Variants in TMEM132D observed in about 807,000 individuals in gnomAD.
TMEM132D encodes the protein mature OL transmembrane protein.
TMEM132D carries 21 observed loss-of-function variants against 62.3 expected under a neutral mutation model. The observed-to-expected ratio is 0.34, with a 90% CI of 0.24 to 0.49. TMEM132D has a LOEUF of 0.49. TMEM132D is among the 20% of genes least tolerant of loss of function. The pLI, the probability that TMEM132D is intolerant of heterozygous loss-of-function variation, is 0.99. For missense variants in TMEM132D, 1,346 were observed against 1,402.8 expected (o/e 0.96, Z 0.65); for synonymous variants, 621 against 575.6 (o/e 1.08, Z -1.13).
chr12:129,103,827 C>T (rs1875396449), intron 5 of TMEM132D, among the ~76,000 whole-genome samples: 1 of 152,118 alleles, frequency 6.6e-6, no homozygotes, highest in South Asian at 2.1e-4. Flanking sequence ...AGGAATCCAA[C>T]TTACAAGGGA....
At chr12:129,159,051 T>C (rs567347127) in intron 5 of TMEM132D, among the ~76,000 whole-genome samples, 1 of 152,184 alleles carries the variant, frequency 6.6e-6, no homozygotes, top group Non-Finnish European at 1.5e-5. Context: ...TCCTCTGACA[T>C]GTTGGGATTA....
chr12:129,139,056 C>T (rs537265863), intron 5 of TMEM132D, among the ~76,000 whole-genome samples: 1 of 152,238 alleles, frequency 6.6e-6, no homozygotes, highest in East Asian at 1.9e-4. Context: ...GCTTTGAAAT[C>T]GTGTTTGCAA....
intron 4 of TMEM132D, among the ~76,000 whole-genome samples, chr12:129,253,837 C>T (rs148354860): frequency 2.0e-5 from 3 of 152,200 alleles, no homozygotes; most frequent in Admixed American, 6.5e-5. Flanking sequence ...AGTCCTTCCA[C>T]GGGAATTAAC....
intron 3 of TMEM132D, among the ~76,000 whole-genome samples, chr12:129,366,049 A>G (rs1054490869): frequency 1.3e-5 from 2 of 152,142 alleles, no homozygotes; most frequent in African/African-American, 2.4e-5. Context: ...TTAATAATTC[A>G]TATAAAAATA....
chr12:129,516,627 C>T (rs188523658), intron 3 of TMEM132D, among the ~76,000 whole-genome samples: 3 of 152,134 alleles, frequency 2.0e-5, no homozygotes, highest in Non-Finnish European at 2.9e-5. Context: ...TGGGTCCTTC[C>T]CACAACATGT....
chr12:129,180,361 G>A (rs1337822314), intron 5 of TMEM132D, among the ~76,000 whole-genome samples: 4 of 152,122 alleles, frequency 2.6e-5, no homozygotes, highest in Admixed American at 2.0e-4. Flanking sequence ...GCAGTCTATG[G>A]TTCTGTGATG....
At chr12:129,647,487 G>C (rs1247039586) in intron 2 of TMEM132D, among the ~76,000 whole-genome samples, 1 of 152,116 alleles carries the variant, frequency 6.6e-6, no homozygotes, top group African/African-American at 2.4e-5. Context: ...GCTGGATCAT[G>C]GAGGAAGGCT....
rs1375812167 is a variant in TMEM132D, at chr12:129,074,435, T to C, written c.2740A>G (p.Ser914Gly). Residue 914 changes from serine to glycine, a missense_variant, in exon 9 of 9, where the codon AGC (serine) becomes GGC (glycine). Ser to Gly is a moderately conservative substitution (Grantham distance 56). Coordinates refer to ENST00000422113, the MANE Select transcript of TMEM132D (RefSeq NM_133448.3). ...GCATACATCCCAATTTCTAAGTCGC[T>C]CAGCCCTTTGGATGCCTGCATAAGG... ...NDLMQASKGLSDLEIGMYALL... is the reference protein window; with the variant it reads ...NDLMQASKGLGDLEIGMYALL... 1.2e-6 allele frequency: 2 copies of C among 1,614,154 alleles called. No homozygotes were observed. Among genetic ancestry groups the C allele is most frequent in the African/African-American group, 1.3e-5 (1 of 75,052 alleles).
chr12:129,214,610 A>G (rs10847800), intron 4 of TMEM132D, among the ~76,000 whole-genome samples: 72,646 of 151,970 alleles, frequency 0.48, 17,607 homozygotes, highest in East Asian at 0.53. Context: ...AGAAGATATC[A>G]ATAAAAGTCA....
At chr12:129,528,994 T>C (rs1198640448) in intron 3 of TMEM132D, among the ~76,000 whole-genome samples, 1 of 152,264 alleles carries the variant, frequency 6.6e-6, no homozygotes, top group East Asian at 1.9e-4. Flanking sequence ...CACATATATG[T>C]GTTCTATATG....
rs145784771 is a variant in TMEM132D at position 129,812,349 on chromosome 12, A to T, written c.79+90912T>A. ...TGTAACATCATGTTTGAAACCGTTC[A>T]TTTGCTTAAATTTGCCAGGATGGGT... On this transcript the variant is annotated intron_variant, in intron 1 of 8. Transcript: ENST00000422113. Among the ~76,000 whole-genome samples the T allele has an allele frequency of 3.7e-3, 560 of 151,808 alleles. 14 individuals are homozygous for T. The highest frequency in any genetic ancestry group is 0.013 in the African/African-American group (541 of 41,418).
chr12:129,402,137 T>C (rs1871641547), intron 3 of TMEM132D, among the ~76,000 whole-genome samples: 1 of 152,220 alleles, frequency 6.6e-6, no homozygotes, highest in Admixed American at 6.5e-5. Flanking sequence ...TTCCTATGCA[T>C]ACCTCGATAA....
intron 3 of TMEM132D, among the ~76,000 whole-genome samples, chr12:129,356,936 G>A (rs112970797): frequency 1.4e-4 from 17 of 121,812 alleles, no homozygotes; most frequent in African/African-American, 4.5e-4. Flanking sequence ...AGAGGAGAGG[G>A]GAGGGGAGGG....
chr12:129,160,628 T>A (rs1877374923), intron 5 of TMEM132D, among the ~76,000 whole-genome samples: 1 of 152,334 alleles, frequency 6.6e-6, no homozygotes, highest in South Asian at 2.1e-4. Context: ...AGCCCTTGAC[T>A]TTTTAGTTAC....
At chr12:129,531,339 C>G (rs964298861) in intron 2 of TMEM132D, 134 bp from the exon 3 acceptor site, 2 of 1,083,066 alleles carry the variant, frequency 1.8e-6, no homozygotes, top group African/African-American at 3.1e-5. Flanking sequence ...AGGATTTAAA[C>G]ACAAATTTGC....
intron 4 of TMEM132D, among the ~76,000 whole-genome samples, chr12:129,229,803 G>C (rs1176695274): frequency 6.6e-6 from 1 of 152,176 alleles, no homozygotes; most frequent in Non-Finnish European, 1.5e-5. Flanking sequence ...AAGCCACAGG[G>C]ATTTCAGCAA....
intron 4 of TMEM132D, among the ~76,000 whole-genome samples, chr12:129,223,057 T>TG (rs1365526628): frequency 4.0e-5 from 6 of 151,846 alleles, no homozygotes; most frequent in African/African-American, 1.4e-4. Context: ...TCAATAAAGC[T>TG]GGGGGGAGAA....
intron 2 of TMEM132D, among the ~76,000 whole-genome samples, chr12:129,649,864 G>A (rs1879881179): frequency 6.6e-6 from 1 of 151,498 alleles, no homozygotes; most frequent in Admixed American, 6.6e-5. Flanking sequence ...ATATGTGTAT[G>A]TATGTGTGTG....
intron 2 of TMEM132D, among the ~76,000 whole-genome samples, chr12:129,538,609 G>A (rs1055871424): frequency 2.0e-5 from 3 of 150,660 alleles, no homozygotes; most frequent in African/African-American, 7.3e-5. Flanking sequence ...GACACAGGAG[G>A]AGATTAACAA....
Sources: gnomAD v4.1 joint callset for allele counts (sites outside exome capture counted in the v4.1 genomes callset) on GRCh38, gnomAD v4.1.1 for gene constraint, MANE v1.5 for transcripts, NCBI Gene and HGNC (gene_info 2026-07-23, HGNC 2026-07-21) for gene names.